GNA14: variants seen among roughly 807,000 people sequenced by gnomAD.
GNA14 encodes the protein G protein subunit alpha 14.
Under a neutral mutation model 42.0 loss-of-function variants are expected in GNA14, and 50 were observed. The observed-to-expected ratio is 1.19, with a 90% CI of 0.95 to 1.51. The LOEUF is 1.51. GNA14 is among the 40% of genes most tolerant of loss of function. The probability of loss-of-function intolerance (pLI) is 0.00; values close to 1 mark genes in which losing one functional copy is unlikely to be tolerated. For missense variants in GNA14, 473 were observed against 446.2 expected (o/e 1.06, Z -0.54); for synonymous variants, 173 against 163.1 (o/e 1.06, Z -0.46).
At chr9:77,610,587 T>A (rs1271490458) in intron 1 of GNA14, among the ~76,000 whole-genome samples, 1 of 152,184 alleles carries the variant, frequency 6.6e-6, no homozygotes, top group African/African-American at 2.4e-5. Context: ...ATTAGAGTTT[T>A]AACATATAAA....
chr9:77,524,944 A>G (rs889280760), intron 2 of GNA14, among the ~76,000 whole-genome samples: 2 of 152,166 alleles, frequency 1.3e-5, no homozygotes, highest in East Asian at 3.8e-4. Flanking sequence ...CAGGTAAGAA[A>G]ATGGAAAAAC....
chr9:77,618,858 C>T (rs986390098), intron 1 of GNA14, among the ~76,000 whole-genome samples: 1 of 150,544 alleles, frequency 6.6e-6, no homozygotes, highest in Non-Finnish European at 1.5e-5. Context: ...TGGTCTCGAT[C>T]TCCTGACCTC....
At chr9:77,453,871 C>T (rs546017617) in intron 2 of GNA14, among the ~76,000 whole-genome samples, 2 of 152,326 alleles carry the variant, frequency 1.3e-5, no homozygotes, top group South Asian at 2.1e-4. Flanking sequence ...TTGCCAAATA[C>T]ATATAGTTCA....
chr9:77,430,822 A>G (rs568209271), intron 4 of GNA14, among the ~76,000 whole-genome samples: 35 of 152,226 alleles, frequency 2.3e-4, no homozygotes, highest in Non-Finnish European at 4.7e-4. Flanking sequence ...CTATATTTGT[A>G]AGTGGAAATG....
intron 2 of GNA14, among the ~76,000 whole-genome samples, chr9:77,459,239 G>T (rs71487625): frequency 1.3e-5 from 1 of 74,304 alleles, no homozygotes; most frequent in Non-Finnish European, 2.6e-5. Context: ...CAGTCTCAGG[G>T]AAAAAAAAGA....
chr9:77,474,235 G>A (rs553709320), intron 2 of GNA14, among the ~76,000 whole-genome samples: 3 of 152,294 alleles, frequency 2.0e-5, no homozygotes, highest in South Asian at 4.1e-4. Flanking sequence ...TAGAATGGGA[G>A]AAAATGTTTG....
At chr9:77,536,258 G>A (rs527469958) in intron 1 of GNA14, among the ~76,000 whole-genome samples, 1 of 152,296 alleles carries the variant, frequency 6.6e-6, no homozygotes, top group South Asian at 2.1e-4. Flanking sequence ...GAAACTAAGT[G>A]ACGAGGCTCA....
Position 77,483,280 on chromosome 9 carries a change from C to T in GNA14, c.309+45789G>A, listed in dbSNP as rs546680189. On this transcript the variant is annotated intron_variant, in intron 2 of 6. Transcript: ENST00000341700. Reference sequence around the variant, plus strand: ...TTAGTTTTCCTTCTAACAGACAGGACGCTCAGCTGCAGGTCTGTTGGAGTT... The same window carrying T: ...TTAGTTTTCCTTCTAACAGACAGGATGCTCAGCTGCAGGTCTGTTGGAGTT... 3.5e-4 allele frequency among the ~76,000 whole-genome samples: 54 copies of T among 152,262 alleles called. No homozygotes were observed. The South Asian group carries it at 4.8e-3, about 13-fold the overall frequency.
At chr9:77,515,977 A>AAAT (rs1837251490) in intron 2 of GNA14, among the ~76,000 whole-genome samples, 1 of 148,222 alleles carries the variant, frequency 6.7e-6, no homozygotes, top group East Asian at 2.0e-4. Flanking sequence ...AAAAAAAAAA[A>AAAT]AAAAAACCCA....
chr9:77,479,488 A>G (rs1348183416), intron 2 of GNA14, among the ~76,000 whole-genome samples: 1 of 152,078 alleles, frequency 6.6e-6, no homozygotes, highest in Non-Finnish European at 1.5e-5. Flanking sequence ...TTGGCTTAGG[A>G]TTGACTTGGT....
intron 3 of GNA14, 153 bp from the exon 4 acceptor site, chr9:77,431,602 C>A (rs1003126911): frequency 1.2e-5 from 7 of 603,108 alleles, no homozygotes; most frequent in African/African-American, 3.7e-5. Context: ...CCAGGCCAGG[C>A]TTCTCCATCC....
chr9:77,430,690 G>A (rs1183234353), intron 4 of GNA14, among the ~76,000 whole-genome samples: 1 of 152,194 alleles, frequency 6.6e-6, no homozygotes, highest in Non-Finnish European at 1.5e-5. Flanking sequence ...AGGAACAAGG[G>A]AAACAGTGGA....
At chr9:77,542,899 G>A (rs1837677745) in intron 1 of GNA14, among the ~76,000 whole-genome samples, 1 of 152,336 alleles carries the variant, frequency 6.6e-6, no homozygotes, top group African/African-American at 2.4e-5. Flanking sequence ...GCCTCTGGTA[G>A]TGAGTTCAGG....
intron 2 of GNA14, among the ~76,000 whole-genome samples, chr9:77,497,895 A>G (rs1216326507): frequency 6.6e-6 from 1 of 152,216 alleles, no homozygotes. Context: ...AGTAGCCAGT[A>G]CTACCCCATC....
chr9:77,483,327 C>T (rs949877611), intron 2 of GNA14, among the ~76,000 whole-genome samples: 2 of 152,126 alleles, frequency 1.3e-5, no homozygotes, highest in African/African-American at 4.8e-5. Context: ...CACTCCAGAC[C>T]CTGTTTGCCT....
chr9:77,637,011 GCA>G (rs1220048141), intron 1 of GNA14, among the ~76,000 whole-genome samples: 2 of 152,176 alleles, frequency 1.3e-5, no homozygotes, highest in African/African-American at 4.8e-5. Flanking sequence ...GTTTTTAGGA[GCA>G]CAGTTTTTTG....
At chr9:77,538,515 T>G (rs954339791) in intron 1 of GNA14, among the ~76,000 whole-genome samples, 3 of 152,206 alleles carry the variant, frequency 2.0e-5, no homozygotes, top group Non-Finnish European at 2.9e-5. Context: ...TGTGGATTAC[T>G]TTTGGAAATA....
At chr9:77,428,330 C>T (rs552542537) in intron 5 of GNA14, among the ~76,000 whole-genome samples, 1 of 151,954 alleles carries the variant, frequency 6.6e-6, no homozygotes, top group African/African-American at 2.4e-5. Flanking sequence ...CCACCTGCCT[C>T]GGCCTCCCAA....
chr9:77,512,673 T>TA (rs552933746), intron 2 of GNA14, among the ~76,000 whole-genome samples: 203 of 152,316 alleles, frequency 1.3e-3, no homozygotes, highest in Middle Eastern at 3.4e-3. Flanking sequence ...CTTCTTTCTA[T>TA]ACCTCACTTC....
Sources: allele counts gnomAD v4.1 joint callset (sites outside exome capture counted in the v4.1 genomes callset), GRCh38; gene constraint gnomAD v4.1.1; transcripts MANE v1.5; gene names NCBI Gene and HGNC (gene_info 2026-07-23, HGNC 2026-07-21).